TLN2: variants seen among roughly 807,000 people sequenced by gnomAD.
TLN2 encodes talin-2.
Under a neutral mutation model 294.7 loss-of-function variants are expected in TLN2, and 118 were observed. The observed-to-expected ratio is 0.40, with a 90% confidence interval of 0.34 to 0.47. TLN2 has a LOEUF of 0.47. TLN2 is among the 20% of genes least tolerant of loss of function. The pLI is 0.84. For synonymous variants in TLN2, 1,431 were observed against 1,304.5 expected (o/e 1.10, Z -2.09); for missense variants, 3,083 against 3,282.2 (o/e 0.94, Z 1.48).
At chr15:62,586,245 G>C (rs1024616707) in intron 1 of TLN2, among the ~76,000 whole-genome samples, 6 of 152,244 alleles carry the variant, frequency 3.9e-5, no homozygotes, top group African/African-American at 7.2e-5. Flanking sequence ...GTGGGAAGGG[G>C]TGTGTTGTAC....
At chr15:62,751,550 C>G (rs1221776816) in intron 34 of TLN2, among the ~76,000 whole-genome samples, 1 of 152,240 alleles carries the variant, frequency 6.6e-6, no homozygotes, top group Non-Finnish European at 1.5e-5. Flanking sequence ...CAAATAGTCT[C>G]TGCCTTGGGT....
intron 2 of TLN2, among the ~76,000 whole-genome samples, chr15:62,603,489 A>G (rs1596313958): frequency 6.6e-6 from 1 of 151,986 alleles, no homozygotes; most frequent in East Asian, 1.9e-4. Context: ...CTCTTCCTCC[A>G]TTATGTGGAT....
chr15:62,784,176 T>C (rs755766711), intron 45 of TLN2: 17 of 426,554 alleles, frequency 4.0e-5, no homozygotes, highest in Non-Finnish European at 6.6e-5. Flanking sequence ...CCTAGCCCTG[T>C]CACCTGTCTC....
At chr15:62,498,181 A>G (rs1376371297) in intron 1 of TLN2, among the ~76,000 whole-genome samples, 4 of 151,560 alleles carry the variant, frequency 2.6e-5, no homozygotes, top group Non-Finnish European at 4.4e-5. Context: ...AAAAGAAAAA[A>G]AAGTCTGGAA....
At position 62,819,616 on chromosome 15, in the gene TLN2, T is replaced by G. The variant is rs753102133; in HGVS notation, c.6872T>G (p.Met2291Arg). 3 of 1,609,816 alleles carry G rather than the reference T, an allele frequency of 1.9e-6. No individual in the cohort carries two copies. Among genetic ancestry groups the G allele is most frequent in the Non-Finnish European group, 2.5e-6 (3 of 1,179,918 alleles). Residue 2291 changes from methionine (M) to arginine (R), a missense_variant, in exon 53 of 59, where the codon ATG (methionine) becomes AGG (arginine). Met to Arg is a moderately conservative substitution (Grantham distance 91). Transcript: ENST00000636159. ...GAGCTCATCCAGGCGGCGGAAGCCA[T>G]GAAAGGTAGGCTGGATTCTCACGTC... ...VTELIQAAEA[M>R]KGTEWVDPED...
chr15:62,546,278 A>G (rs991796276), intron 1 of TLN2, among the ~76,000 whole-genome samples: 7 of 152,196 alleles, frequency 4.6e-5, no homozygotes, highest in African/African-American at 7.2e-5. Context: ...TTTTCCTTTA[A>G]GAAGCCTCCA....
chr15:62,534,880 G>A (rs552054675), intron 1 of TLN2, among the ~76,000 whole-genome samples: 22 of 152,238 alleles, frequency 1.4e-4, no homozygotes, highest in African/African-American at 5.1e-4. Context: ...TGAGGCAGTT[G>A]CCTCTGTTCT....
At chr15:62,632,105 C>G (rs568919356) in intron 3 of TLN2, among the ~76,000 whole-genome samples, 51 of 152,322 alleles carry the variant, frequency 3.3e-4, no homozygotes, top group Non-Finnish European at 2.1e-4. Flanking sequence ...AACTTATTGT[C>G]ACAGCTTTCT....
At chr15:62,651,705 A>G (rs2052604242) in intron 5 of TLN2, among the ~76,000 whole-genome samples, 2 of 152,178 alleles carry the variant, frequency 1.3e-5, no homozygotes, top group African/African-American at 4.8e-5. Flanking sequence ...GGAATAAGAT[A>G]GGGTAAACAC....
At chr15:62,562,039 C>A (rs953022537) in intron 1 of TLN2, among the ~76,000 whole-genome samples, 1 of 152,112 alleles carries the variant, frequency 6.6e-6, no homozygotes, top group Admixed American at 6.6e-5. Context: ...CTTATAAGCT[C>A]CTCGAAGTCT....
intron 4 of TLN2, among the ~76,000 whole-genome samples, chr15:62,647,770 T>G (rs1341202068): frequency 6.6e-6 from 1 of 152,138 alleles, no homozygotes; most frequent in African/African-American, 2.4e-5. Context: ...GCCCTAACAG[T>G]ATTGGCGGTA....
rs1250248785 is a variant in TLN2 at position 62,716,365 on chromosome 15, A to G, written c.2669A>G (p.Gln890Arg). ...GCCAACCCAGAGAATGAGGACCAGC[A>G]GCAAAGGCTGAGAGAAGCTGCAGAA... is the stretch of plus-strand genomic sequence containing the variant. ...AAANPENEDQQQRLREAAEGL... is the reference protein window; with the variant it reads ...AAANPENEDQRQRLREAAEGL... Residue 890 changes from glutamine (Q) to arginine (R), a missense_variant, in exon 23 of 59, where the codon CAG becomes CGG. Coordinates refer to ENST00000636159, the MANE Select transcript of TLN2 (RefSeq NM_015059.3). 9 of 1,610,068 alleles carry G rather than the reference A, an allele frequency of 5.6e-6. No individual in the cohort carries two copies. The South Asian group carries it at 8.8e-5, about 16-fold the overall frequency.
At chr15:62,740,254 C>T (rs2061252470) in intron 31 of TLN2, among the ~76,000 whole-genome samples, 1 of 152,146 alleles carries the variant, frequency 6.6e-6, no homozygotes, top group South Asian at 2.1e-4. Flanking sequence ...TGTACAGCTC[C>T]TTGACAACTC....
chr15:62,726,368 C>G (rs112817891), intron 27 of TLN2, among the ~76,000 whole-genome samples: 3 of 152,160 alleles, frequency 2.0e-5, no homozygotes, highest in Non-Finnish European at 4.4e-5. Flanking sequence ...TTTGTACTCT[C>G]GCAGTATACC....
intron 51 of TLN2, among the ~76,000 whole-genome samples, chr15:62,807,089 C>T (rs1042710751): frequency 3.3e-5 from 5 of 152,038 alleles, no homozygotes; most frequent in Non-Finnish European, 5.9e-5. Context: ...GGAAAGATTC[C>T]GCTTTCACAC....
At chr15:62,694,609 A>G (rs1417008020) in intron 14 of TLN2, among the ~76,000 whole-genome samples, 1 of 152,212 alleles carries the variant, frequency 6.6e-6, no homozygotes, top group Non-Finnish European at 1.5e-5. Flanking sequence ...AACATTGACC[A>G]AGGTGTGGCA....
At chr15:62,424,395 C>G (rs773422762) in intron 1 of TLN2, among the ~76,000 whole-genome samples, 3 of 152,158 alleles carry the variant, frequency 2.0e-5, no homozygotes, top group Non-Finnish European at 4.4e-5. Context: ...TAGGCTTGCT[C>G]CTGTCTTCCT....
intron 19 of TLN2, among the ~76,000 whole-genome samples, chr15:62,705,431 T>C (rs2058997168): frequency 6.7e-6 from 1 of 149,922 alleles, no homozygotes; most frequent in African/African-American, 2.4e-5. Context: ...AGTGGTCTTG[T>C]TGAAAATTTT....
chr15:62,779,765 T>C (rs980846585), intron 43 of TLN2, among the ~76,000 whole-genome samples: 15 of 152,238 alleles, frequency 9.9e-5, no homozygotes, highest in Non-Finnish European at 5.9e-5. Flanking sequence ...CGTGCCGTGA[T>C]GGGGATATAG....
Sources: gnomAD v4.1 joint callset for allele counts (sites outside exome capture counted in the v4.1 genomes callset) on GRCh38, gnomAD v4.1.1 for gene constraint, MANE v1.5 for transcripts, NCBI Gene and HGNC (gene_info 2026-07-23, HGNC 2026-07-21) for gene names.